Variants in NYAP2 observed in about 807,000 individuals in gnomAD.
The protein encoded by NYAP2 is neuronal tyrosine-phosphorylated phosphoinositide-3-kinase adapter 2.
In NYAP2, 23 loss-of-function variants were observed where a neutral mutation model predicts 50.4. The ratio of observed to expected loss-of-function variants is 0.46; its 90% CI spans 0.33 to 0.65. The LOEUF is 0.65. Among genes scored for constraint, NYAP2 ranks in the 30% least tolerant of loss-of-function variants. The pLI, the probability that NYAP2 is intolerant of heterozygous loss-of-function variation, is 0.02. For synonymous variants in NYAP2, 394 were observed against 365.2 expected, an observed-to-expected ratio of 1.08 and a Z score of -0.90; for missense variants, 885 against 861.0, an observed-to-expected ratio of 1.03 and a Z score of -0.35.
At position 225,621,107 on chromosome 2, in the gene NYAP2, C is replaced by A. The variant is rs1249390400; in HGVS notation, c.1619-5810C>A. On this transcript the variant is annotated intron_variant, in intron 5 of 6. Transcript: ENST00000636099. ...CCAGCCTGGGCGACCAGCGAGACTC[C>A]GTCTCAAAAAAAAAAAAAAAAAAAA... is the stretch of plus-strand genomic sequence containing the variant. Among the ~76,000 whole-genome samples the A allele has an allele frequency of 2.7e-5, 3 of 112,942 alleles. No individual in the cohort carries two copies. The Admixed American group carries it at 2.7e-4, about 10-fold the overall frequency. The allele number at this position is 112,942 out of a possible 152,430, so 74.1% of individuals were successfully genotyped here.
intron 3 of NYAP2, among the ~76,000 whole-genome samples, chr2:225,484,639 T>C (rs1460687977): frequency 6.6e-6 from 1 of 152,220 alleles, no homozygotes; most frequent in Non-Finnish European, 1.5e-5. Flanking sequence ...CTCTTTCTAC[T>C]CTACTGTAAG....
chr2:225,445,084 G>A (rs1689531805), intron 3 of NYAP2, among the ~76,000 whole-genome samples: 1 of 152,170 alleles, frequency 6.6e-6, no homozygotes, highest in African/African-American at 2.4e-5. Context: ...AAATATAGAG[G>A]TATGTAACTG....
At chr2:225,617,869 C>T (rs1453424481) in intron 5 of NYAP2, among the ~76,000 whole-genome samples, 1 of 152,156 alleles carries the variant, frequency 6.6e-6, no homozygotes, top group East Asian at 1.9e-4. Flanking sequence ...CAGTAATAAG[C>T]TATTATCCTG....
chr2:225,439,998 T>A (rs1158891625), intron 3 of NYAP2, among the ~76,000 whole-genome samples: 1 of 152,160 alleles, frequency 6.6e-6, no homozygotes, highest in Non-Finnish European at 1.5e-5. Context: ...TGCCATAGGC[T>A]TATAAAACCA....
the NYAP2 span, chr2:225,699,420 C>T: frequency 6.6e-6 from 1 of 151,922 alleles, no homozygotes; most frequent in Non-Finnish European, 1.5e-5. Context: ...AAGAGCATGA[C>T]TGCTTTCAAG....
At chr2:225,409,685 T>C (rs1272763786) in intron 3 of NYAP2, among the ~76,000 whole-genome samples, 1 of 152,110 alleles carries the variant, frequency 6.6e-6, no homozygotes, top group Non-Finnish European at 1.5e-5. Flanking sequence ...TACCAGCTAC[T>C]AGCTGGTGAG....
intron 3 of NYAP2, among the ~76,000 whole-genome samples, chr2:225,411,609 T>TA (rs143073481): frequency 0.02 from 2,905 of 146,524 alleles, 78 homozygotes; most frequent in African/African-American, 0.066. Flanking sequence ...ATAGAGATGA[T>TA]AAAAAAAAAA....
chr2:225,562,250 A>G (rs756344307), intron 4 of NYAP2, among the ~76,000 whole-genome samples: 2 of 152,138 alleles, frequency 1.3e-5, no homozygotes, highest in Non-Finnish European at 2.9e-5. Context: ...ATGACACACA[A>G]ATGAGGAAAA....
chr2:225,619,299 T>G (rs144841398), intron 5 of NYAP2, among the ~76,000 whole-genome samples: 2 of 152,336 alleles, frequency 1.3e-5, no homozygotes, highest in East Asian at 3.9e-4. Flanking sequence ...AGACCATGAC[T>G]TTTTAGCTAG....
At chr2:225,611,291 A>ATG (rs1025262330) in intron 5 of NYAP2, among the ~76,000 whole-genome samples, 74 of 152,072 alleles carry the variant, frequency 4.9e-4, no homozygotes, top group African/African-American at 1.7e-3. Flanking sequence ...AATCTTAATC[A>ATG]TGTGTGTGTG....
At chr2:225,431,338 C>T (rs1010763803) in intron 3 of NYAP2, among the ~76,000 whole-genome samples, 1 of 152,132 alleles carries the variant, frequency 6.6e-6, no homozygotes, top group Non-Finnish European at 1.5e-5. Flanking sequence ...TCAGACTTTC[C>T]GTTTACATAT....
the NYAP2 span, among the ~76,000 whole-genome samples, chr2:225,689,317 A>G: frequency 6.6e-6 from 1 of 152,210 alleles, no homozygotes; most frequent in African/African-American, 2.4e-5. Context: ...TTATTCATTT[A>G]TAACTTTTAA....
chr2:225,532,644 A>C (rs1417711208), intron 4 of NYAP2, among the ~76,000 whole-genome samples: 1 of 151,792 alleles, frequency 6.6e-6, no homozygotes, highest in Admixed American at 6.6e-5. Context: ...TGTGAATTTT[A>C]GTTTATTTCT....
rs1691764460 is a variant in NYAP2, at chr2:225,555,714, T to C, written c.524-26227T>C. ...CTAAGCCCGATTAGCTCTCCTCCTC[T>C]TCTTCTGCCCAGTAAAAACAAGAGT... is the stretch of plus-strand genomic sequence containing the variant. On this transcript the variant is annotated intron_variant, in intron 4 of 6. Transcript: ENST00000636099. Among the ~76,000 whole-genome samples the C allele has an allele frequency of 2.0e-5, 3 of 152,188 alleles. No individual in the cohort carries two copies. In the South Asian group the frequency reaches 6.2e-4, roughly 31 times the overall value.
At chr2:225,484,011 T>C (rs1690249709) in intron 3 of NYAP2, among the ~76,000 whole-genome samples, 1 of 151,892 alleles carries the variant, frequency 6.6e-6, no homozygotes, top group South Asian at 2.1e-4. Flanking sequence ...AGGAAAAACT[T>C]GAGGATTTGA....
rs186679347 is a variant in NYAP2 at position 225,472,201 on chromosome 2, A to G, written c.222-41170A>G. 7.2e-5 allele frequency among the ~76,000 whole-genome samples: 11 copies of G among 152,332 alleles called. No homozygotes were observed. The East Asian group carries it at 2.1e-3, about 29-fold the overall frequency. On this transcript the variant is annotated intron_variant, in intron 3 of 6. Transcript: ENST00000636099. Reference sequence around the variant, plus strand: ...ACGACTCATCCTGCTTCTCAAGAAGAAAAAAACTAAAATACATCACCTTTG... The same window carrying G: ...ACGACTCATCCTGCTTCTCAAGAAGGAAAAAACTAAAATACATCACCTTTG...
At chr2:225,492,169 C>T (rs1690420200) in intron 3 of NYAP2, among the ~76,000 whole-genome samples, 1 of 152,184 alleles carries the variant, frequency 6.6e-6, no homozygotes, top group Non-Finnish European at 1.5e-5. Flanking sequence ...CCCATGTGTC[C>T]TGGTGACTGT....
intron 4 of NYAP2, among the ~76,000 whole-genome samples, chr2:225,556,925 C>T (rs1227611939): frequency 6.6e-6 from 1 of 152,152 alleles, no homozygotes; most frequent in Non-Finnish European, 1.5e-5. Flanking sequence ...TGGCTGTGCT[C>T]AACCTCGGAC....
chr2:225,475,325 C>T (rs922215902), intron 3 of NYAP2, among the ~76,000 whole-genome samples: 2 of 152,188 alleles, frequency 1.3e-5, no homozygotes, highest in Non-Finnish European at 2.9e-5. Context: ...GTAGTACATT[C>T]TCCTTCTTCA....
Sources: allele counts gnomAD v4.1 joint callset (sites outside exome capture counted in the v4.1 genomes callset), GRCh38; gene constraint gnomAD v4.1.1; transcripts MANE v1.5; gene names NCBI Gene and HGNC (gene_info 2026-07-23, HGNC 2026-07-21).